The following RMND1 variants were observed in gnomAD, a reference collection of about 807,000 sequenced individuals.
RMND1 encodes the protein required for meiotic nuclear division protein 1 homolog.
A neutral mutation model predicts 54.0 loss-of-function variants in RMND1; 41 were observed. The ratio of observed to expected loss-of-function variants is 0.76; its 90% confidence interval spans 0.59 to 0.98. The LOEUF is 0.98. Ranked by LOEUF, RMND1 falls within the 50% of genes least tolerant of loss-of-function variation. The probability of loss-of-function intolerance (pLI) is 0.00; values close to 1 mark genes in which losing one functional copy is unlikely to be tolerated. For synonymous variants in RMND1, 183 were observed against 181.7 expected (o/e 1.01, Z -0.06); for missense variants, 457 against 532.0 (o/e 0.86, Z 1.39).
At position 151,445,753 on chromosome 6, in the gene RMND1, T is replaced by C. The variant is rs1780937672; in HGVS notation, c.59A>G (p.His20Arg). The change falls in exon 2 of 12, where the codon CAT becomes CGT. Residue 20 changes from histidine (H) to arginine (R), a missense_variant. His to Arg is a conservative substitution (Grantham distance 29). Coordinates refer to ENST00000444024, the MANE Select transcript of RMND1 (RefSeq NM_017909.4). ...ARSHHILSKA[H>R]QCRRIGHLML... ...TAGATGACCGATTCTTCGGCACTGA[T>C]GTGCTTTTGATAATATATGATGAGA... The C allele has an allele frequency of 3.1e-6, 5 of 1,613,874 alleles. No homozygotes were observed. The highest frequency in any genetic ancestry group is 3.4e-6 in the Non-Finnish European group (4 of 1,180,022).
chr6:151,425,425 CGT>C (rs76733448), intron 6 of RMND1, among the ~76,000 whole-genome samples: 25,419 of 150,534 alleles, frequency 0.17, 2,308 homozygotes, highest in East Asian at 0.35. Flanking sequence ...TGTACAGTAA[CGT>C]GTGTGTGTGT....
intron 2 of RMND1, chr6:151,436,808 G>A (rs1780628774): frequency 1.2e-5 from 4 of 347,760 alleles, no homozygotes; most frequent in Non-Finnish European, 1.6e-5. Context: ...ATTCTGAAAG[G>A]GAAGCCACAC....
At chr6:151,436,219 G>T (rs996514304) in intron 3 of RMND1, 4 of 447,670 alleles carry the variant, frequency 8.9e-6, no homozygotes, top group African/African-American at 5.9e-5. Flanking sequence ...AAGTAATAAT[G>T]ATCCTATAAA....
chr6:151,429,990 G>A (rs1014606682), intron 5 of RMND1, 148 bp downstream of exon 5: 4 of 582,346 alleles, frequency 6.9e-6, no homozygotes, highest in Non-Finnish European at 9.4e-6. Flanking sequence ...TATTTTGGAA[G>A]ATGAAACTGA....
At chr6:151,425,062 C>T (rs1395351711) in intron 6 of RMND1, among the ~76,000 whole-genome samples, 1 of 152,174 alleles carries the variant, frequency 6.6e-6, no homozygotes, top group Admixed American at 6.5e-5. Context: ...CCTGCCTCAG[C>T]CTCCTGAGTA....
At chr6:151,415,255 A>G (rs1296229817) in intron 10 of RMND1, among the ~76,000 whole-genome samples, 2 of 151,610 alleles carry the variant, frequency 1.3e-5, no homozygotes, top group Non-Finnish European at 2.9e-5. Context: ...ACGGAAGGGT[A>G]AAGGAATATA....
At position 151,422,625 on chromosome 6, in the gene RMND1, T is replaced by A; in HGVS notation, c.938-20A>T. The A allele has an allele frequency of 7.7e-7, 1 of 1,304,818 alleles. No individual in the cohort carries two copies. The highest frequency in any genetic ancestry group is 1.4e-5 in the South Asian group (1 of 70,462). 80.8% of individuals were successfully genotyped at this position (1,304,818 alleles called of 1,614,324 possible). ...GTTTTACTGGGAAAAAAATTAATAA[T>A]GGAACATTTCTTTATCATCATATTC... On this transcript the variant is annotated intron_variant, in intron 7 of 11. Transcript: ENST00000444024.
chr6:151,447,542 T>C (rs2114974297), intron 1 of RMND1, among the ~76,000 whole-genome samples: 2 of 152,228 alleles, frequency 1.3e-5, no homozygotes, highest in South Asian at 4.1e-4. Context: ...AAGTCAACAC[T>C]CTTACCCACT....
intron 1 of RMND1, among the ~76,000 whole-genome samples, chr6:151,448,898 G>A (rs957176103): frequency 3.3e-5 from 5 of 151,964 alleles, no homozygotes; most frequent in East Asian, 1.9e-4. Context: ...CCAACACGGC[G>A]AAACCCCGTG....
chr6:151,450,908 C>T (rs550096052), intron 1 of RMND1, among the ~76,000 whole-genome samples: 1,814 of 152,252 alleles, frequency 0.012, 32 homozygotes, highest in African/African-American at 0.041. Context: ...TTACCCCCAA[C>T]CCTGTGCTCT....
At chr6:151,443,976 T>C (rs1280213032) in intron 2 of RMND1, among the ~76,000 whole-genome samples, 1 of 152,236 alleles carries the variant, frequency 6.6e-6, no homozygotes, top group African/African-American at 2.4e-5. Context: ...GTATTTATTA[T>C]CTCATTTGAA....
chr6:151,441,978 A>G (rs1780788940), intron 2 of RMND1, among the ~76,000 whole-genome samples: 2 of 152,206 alleles, frequency 1.3e-5, no homozygotes, highest in Admixed American at 6.5e-5. Context: ...TGGCGTCTGC[A>G]CTAACTCTGG....
At chr6:151,430,268 T>G in intron 4 of RMND1, 91 bp from the exon 5 acceptor site, 1 of 868,956 alleles carries the variant, frequency 1.2e-6, no homozygotes, top group East Asian at 2.5e-5. Flanking sequence ...CTAGAATGTA[T>G]ACAGGATGCG....
chr6:151,449,663 G>C lies in RMND1; in HGVS notation c.-15+2353C>G, dbSNP rs558187560. On this transcript the variant is annotated intron_variant, in intron 1 of 11. Transcript: ENST00000444024. Reference sequence around the variant, plus strand: ...CTCTCCCTCCTCTCCCTCTCCCCACGGTCCCCCTCTCCCCACGGTCTCCCT... The same window carrying C: ...CTCTCCCTCCTCTCCCTCTCCCCACCGTCCCCCTCTCCCCACGGTCTCCCT... 9.8e-3 allele frequency among the ~76,000 whole-genome samples: 1,475 copies of C among 151,006 alleles called. 29 individuals carry two copies. Among genetic ancestry groups the C allele is most frequent in the African/African-American group, 0.034 (1,405 of 41,246 alleles).
chr6:151,445,780 C>G lies in RMND1; in HGVS notation c.32G>C (p.Arg11Thr). MPATLLRAVA[R>T]SHHILSKAHQ... ...TGCTTTTGATAATATATGATGAGATCTGGCCACGGCTCTGAGGAGTGTGGC... is the reference window on the plus strand; with the variant it reads ...TGCTTTTGATAATATATGATGAGATGTGGCCACGGCTCTGAGGAGTGTGGC... Residue 11 changes from arginine (R) to threonine (T), a missense_variant, in exon 2 of 12, where the codon AGA becomes ACA. Coordinates refer to ENST00000444024, the MANE Select transcript of RMND1 (RefSeq NM_017909.4). 1.2e-6 allele frequency: 2 copies of G among 1,612,048 alleles called. No homozygotes were observed. The highest frequency in any genetic ancestry group is 1.7e-6 in the Non-Finnish European group (2 of 1,179,472).
intron 1 of RMND1, among the ~76,000 whole-genome samples, chr6:151,450,582 G>A (rs1781135221): frequency 6.8e-6 from 1 of 147,752 alleles, no homozygotes. Flanking sequence ...GGAGGTGGGG[G>A]GGTCAGCCCC....
intron 10 of RMND1, among the ~76,000 whole-genome samples, chr6:151,414,603 T>A (rs1259378748): frequency 2.0e-5 from 3 of 151,642 alleles, no homozygotes; most frequent in African/African-American, 7.3e-5. Context: ...AAACAGAAGA[T>A]ACAAATAAAA....
At chr6:151,431,969 C>T (rs1038449571) in intron 4 of RMND1, among the ~76,000 whole-genome samples, 9 of 150,878 alleles carry the variant, frequency 6.0e-5, no homozygotes, top group Admixed American at 1.3e-4. Context: ...CAGAGTCTCA[C>T]TCTGTCACTA....
At chr6:151,439,839 T>C (rs1313016870) in intron 2 of RMND1, among the ~76,000 whole-genome samples, 1 of 152,164 alleles carries the variant, frequency 6.6e-6, no homozygotes, top group Non-Finnish European at 1.5e-5. Flanking sequence ...TTTGTATTTT[T>C]AGTAGAGACG....
Sources: gnomAD v4.1 joint callset for allele counts (sites outside exome capture counted in the v4.1 genomes callset) on GRCh38, gnomAD v4.1.1 for gene constraint, MANE v1.5 for transcripts, NCBI Gene and HGNC (gene_info 2026-07-23, HGNC 2026-07-21) for gene names.